Variants in LHFPL4 observed in about 807,000 individuals in gnomAD.
The protein encoded by LHFPL4 is LHFPL tetraspan subfamily member 4.
In LHFPL4, 6 loss-of-function variants were observed where a neutral mutation model predicts 20.0. That is an observed-to-expected ratio of 0.30 (90% CI 0.16 to 0.59). LHFPL4 has a LOEUF of 0.59. Ranked by LOEUF, LHFPL4 falls within the 20% of genes least tolerant of loss-of-function variation. LHFPL4 has a pLI of 0.88. For missense variants in LHFPL4, 215 were observed against 331.2 expected (o/e 0.65, Z 2.72); for synonymous variants, 129 against 143.8 (o/e 0.90, Z 0.74).
chr3:9,516,769 C>T (rs1248872163), intron 2 of LHFPL4, among the ~76,000 whole-genome samples: 8 of 149,772 alleles, frequency 5.3e-5, no homozygotes, highest in Non-Finnish European at 1.2e-4. Context: ...CCATTGCGCC[C>T]AGCCACACAA....
chr3:9,522,001 A>T (rs964549164), intron 2 of LHFPL4, among the ~76,000 whole-genome samples: 1 of 151,964 alleles, frequency 6.6e-6, no homozygotes, highest in Non-Finnish European at 1.5e-5. Flanking sequence ...GAACATTTTA[A>T]ATGATTCCAT....
intron 2 of LHFPL4, among the ~76,000 whole-genome samples, chr3:9,510,982 G>A (rs866149888): frequency 4.1e-5 from 6 of 147,294 alleles, no homozygotes; most frequent in African/African-American, 7.5e-5. Context: ...AAATAAATAA[G>A]CAGTGATGAG....
intron 2 of LHFPL4, among the ~76,000 whole-genome samples, chr3:9,507,620 A>G (rs916529296): frequency 2.6e-5 from 4 of 152,226 alleles, no homozygotes; most frequent in African/African-American, 9.6e-5. Context: ...AGAGGAAGAG[A>G]AGGGGCAGGC....
In LHFPL4 at chr3:9,500,336, C is replaced by T. The variant is rs1204485556; in HGVS notation, c.*1875G>A. On this transcript the variant is annotated 3_prime_UTR_variant, in exon 4 of 4. Coordinates refer to ENST00000287585, the MANE Select transcript of LHFPL4 (RefSeq NM_198560.3). ...CCTCTGTCCCGCAGCGCCCCTACCC[C>T]AGGCCGACTGGACTGTCCGGGAAGG... is the stretch of plus-strand genomic sequence containing the variant. 1.3e-5 allele frequency: 2 copies of T among 152,374 alleles called. No individual in the cohort carries two copies. The highest frequency in any genetic ancestry group is 4.8e-5 in the African/African-American group (2 of 41,468). The allele number at this position is 152,374 out of a possible 1,614,324, so 9.4% of individuals were successfully genotyped here. A position where few individuals can be genotyped will look rare whatever the true frequency, so the allele number is the denominator to read the frequency against.
At chr3:9,552,206 G>A (rs532165089) in intron 2 of LHFPL4, 68 bp downstream of exon 2, 139 of 1,524,946 alleles carry the variant, frequency 9.1e-5, no homozygotes, top group Admixed American at 1.1e-4. Flanking sequence ...CTTCAGGAAG[G>A]GGACCTGGCA....
At chr3:9,502,347 T>A in intron 3 of LHFPL4, 36 bp from the exon 4 acceptor site, 3 of 1,392,634 alleles carry the variant, frequency 2.2e-6, no homozygotes, top group Non-Finnish European at 3.1e-6. Context: ...GGAGAGAGAA[T>A]TAGAGAAAGT....
At position 9,505,959 on chromosome 3, in the gene LHFPL4, A is replaced by G. The variant is rs759633504; in HGVS notation, c.643+8T>C. 4 of 1,613,490 alleles carry G rather than the reference A, an allele frequency of 2.5e-6. No individual in the cohort carries two copies. The highest frequency in any genetic ancestry group is 3.4e-6 in the Non-Finnish European group (4 of 1,179,630). On this transcript the variant is annotated splice_region_variant and intron_variant, in intron 3 of 3. Coordinates refer to ENST00000287585, the MANE Select transcript of LHFPL4 (RefSeq NM_198560.3). The stretch of plus-strand genomic sequence containing the variant: ...CCGCCGCTGCCCCCCAGCCCACAGC[A>G]CACTCGCCTTTGTTCTCCGGCTTGA...
In LHFPL4 at chr3:9,499,366, G is replaced by A. The variant is rs1011115903; in HGVS notation, c.*2845C>T. 5.2e-5 allele frequency: 8 copies of A among 152,568 alleles called. No homozygotes were observed. Among genetic ancestry groups the A allele is most frequent in the African/African-American group, 1.7e-4 (7 of 41,436 alleles). The allele number at this position is 152,568 out of a possible 1,614,324, so 9.5% of individuals were successfully genotyped here. On this transcript the variant is annotated 3_prime_UTR_variant, in exon 4 of 4. Coordinates refer to ENST00000287585, the MANE Select transcript of LHFPL4 (RefSeq NM_198560.3). The stretch of plus-strand genomic sequence containing the variant: ...TGCAGAACCCAGGGCCCCAGTCTAT[G>A]GTTTGGTCCCCACTCTGACTTCTAC...
intron 2 of LHFPL4, among the ~76,000 whole-genome samples, chr3:9,545,740 A>G (rs1003045871): frequency 1.3e-5 from 2 of 151,746 alleles, no homozygotes; most frequent in South Asian, 2.1e-4. Context: ...AATAAGATAA[A>G]ATAAAATAAA....
intron 2 of LHFPL4, among the ~76,000 whole-genome samples, chr3:9,532,142 C>T (rs1039797134): frequency 1.3e-5 from 2 of 151,964 alleles, no homozygotes; most frequent in African/African-American, 4.8e-5. Flanking sequence ...TCTTGCTCCA[C>T]AGCCTCCCGA....
chr3:9,520,341 T>G (rs748021984), intron 2 of LHFPL4, among the ~76,000 whole-genome samples: 5 of 151,918 alleles, frequency 3.3e-5, no homozygotes, highest in East Asian at 1.9e-4. Context: ...CTTGAGGTTT[T>G]TTGTTGTTGT....
At chr3:9,521,146 A>T (rs1297417297) in intron 2 of LHFPL4, among the ~76,000 whole-genome samples, 2 of 151,616 alleles carry the variant, frequency 1.3e-5, no homozygotes, top group African/African-American at 4.9e-5. Flanking sequence ...GACTCTCTTT[A>T]TCCTTGATAA....
chr3:9,501,835 G>A lies in LHFPL4; in HGVS notation c.*376C>T. ...AGGGACCAGAAGAGGTGCGGATACAGCCAGGCGGCAGCCCTCCAGACTGAG... is the reference window on the plus strand; with the variant it reads ...AGGGACCAGAAGAGGTGCGGATACAACCAGGCGGCAGCCCTCCAGACTGAG... On this transcript the variant is annotated 3_prime_UTR_variant, in exon 4 of 4. Transcript: ENST00000287585. 1 of 211,858 alleles carries A rather than the reference G, an allele frequency of 4.7e-6. No homozygotes were observed. The highest frequency in any genetic ancestry group is 9.4e-6 in the Non-Finnish European group (1 of 106,620). The allele number at this position is 211,858 out of a possible 1,614,324, so 13.1% of individuals were successfully genotyped here.
chr3:9,535,644 T>C (rs993748791), intron 2 of LHFPL4, among the ~76,000 whole-genome samples: 1 of 152,184 alleles, frequency 6.6e-6, no homozygotes, highest in African/African-American at 2.4e-5. Flanking sequence ...CACAGCCAGC[T>C]GTTTGTGTCC....
chr3:9,524,582 C>G (rs1006693449), intron 2 of LHFPL4, among the ~76,000 whole-genome samples: 4 of 152,266 alleles, frequency 2.6e-5, no homozygotes, highest in African/African-American at 9.6e-5. Flanking sequence ...TGTTTTTTAT[C>G]TCTAGCATTT....
At chr3:9,521,988 AT>A (rs1055197676) in intron 2 of LHFPL4, among the ~76,000 whole-genome samples, 17 of 151,796 alleles carry the variant, frequency 1.1e-4, no homozygotes, top group African/African-American at 4.1e-4. Flanking sequence ...TGTGGTTTTA[AT>A]TGAACATTTT....
intron 2 of LHFPL4, among the ~76,000 whole-genome samples, chr3:9,530,819 A>T (rs1464456256): frequency 1.3e-5 from 2 of 151,866 alleles, no homozygotes; most frequent in East Asian, 3.9e-4. Flanking sequence ...CTGGTCTTGA[A>T]CTTCTGATCT....
rs1453063043 is a variant in LHFPL4, at chr3:9,499,606, A to C, written c.*2605T>G. The C allele has an allele frequency of 2.0e-5, 3 of 152,362 alleles. No homozygotes were observed. Among genetic ancestry groups the C allele is most frequent in the Non-Finnish European group, 4.4e-5 (3 of 68,178 alleles). 9.4% of individuals were successfully genotyped at this position (152,362 alleles called of 1,614,324 possible). A position where few individuals can be genotyped will look rare whatever the true frequency, so the allele number is the denominator to read the frequency against. ...ACCCACTCCTAAGTCAGCTGGACCC[A>C]CTACGTCCTCTGAAGTGGCTTCCTT... On this transcript the variant is annotated 3_prime_UTR_variant, in exon 4 of 4. Transcript: ENST00000287585.
intron 2 of LHFPL4, among the ~76,000 whole-genome samples, chr3:9,549,237 C>A (rs1262834265): frequency 6.6e-6 from 1 of 152,136 alleles, no homozygotes; most frequent in South Asian, 2.1e-4. Flanking sequence ...GACCTAAGAT[C>A]CTTGGAGACA....
Sources: allele counts gnomAD v4.1 joint callset (sites outside exome capture counted in the v4.1 genomes callset), GRCh38; gene constraint gnomAD v4.1.1; transcripts MANE v1.5; gene names NCBI Gene and HGNC (gene_info 2026-07-23, HGNC 2026-07-21).